ZNF197: variants seen among roughly 807,000 people sequenced by gnomAD.
The protein encoded by ZNF197 is zinc finger protein 197.
Under a neutral mutation model 27.4 loss-of-function variants are expected in ZNF197, and 14 were observed. The observed-to-expected ratio is 0.51, with a 90% CI of 0.34 to 0.80. The LOEUF (loss-of-function observed/expected upper bound fraction) is 0.80. ZNF197 is among the 30% of genes least tolerant of loss of function. The probability of loss-of-function intolerance (pLI) is 0.02; values close to 1 mark genes in which losing one functional copy is unlikely to be tolerated. For synonymous variants in ZNF197, 415 were observed against 420.0 expected, an observed-to-expected ratio of 0.99 and a Z score of 0.15; for missense variants, 1,090 against 1,222.6, an observed-to-expected ratio of 0.89 and a Z score of 1.62.
Position 44,646,521 on chromosome 3 carries a change from A to C in ZNF197, c.*2301A>C. The C allele has an allele frequency of 1.4e-6, 2 of 1,478,458 alleles. No homozygotes were observed. The highest frequency in any genetic ancestry group is 2.3e-5 in the East Asian group (1 of 44,154). The allele number at this position is 1,478,458 out of a possible 1,614,324, so 91.6% of individuals were successfully genotyped here. On this transcript the variant is annotated 3_prime_UTR_variant, in exon 6 of 6. Transcript: ENST00000344387. Reference sequence around the variant, plus strand: ...AGGAAATACAGGAGGCAGAGGAACAAATAAAAGACACCACGAGAAACAGAC... The same window carrying C: ...AGGAAATACAGGAGGCAGAGGAACACATAAAAGACACCACGAGAAACAGAC...
rs374185026 is a variant in ZNF197 at position 44,647,700 on chromosome 3, G to A, written c.*3480G>A. ...ATGCTGAGTGAAAATAATCACAAAA[G>A]GCCATATTCTGTATGAAAATATTCA... is the stretch of plus-strand genomic sequence containing the variant. On this transcript the variant is annotated 3_prime_UTR_variant, in exon 6 of 6. Coordinates refer to ENST00000344387, the MANE Select transcript of ZNF197 (RefSeq NM_006991.5). The A allele has an allele frequency of 6.6e-6, 1 of 152,120 alleles. No individual in the cohort carries two copies. The highest frequency in any genetic ancestry group is 1.5e-5 in the Non-Finnish European group (1 of 68,000). The allele number at this position is 152,120 out of a possible 1,614,324, so 9.4% of individuals were successfully genotyped here. A position where few individuals can be genotyped will look rare whatever the true frequency, so the allele number is the denominator to read the frequency against.
intron 1 of ZNF197, among the ~76,000 whole-genome samples, chr3:44,626,979 T>G (rs1701704780): frequency 6.6e-6 from 1 of 152,060 alleles, no homozygotes; most frequent in African/African-American, 2.4e-5. Flanking sequence ...TATGCATCCA[T>G]AAAAATGCGG....
intron 5 of ZNF197, among the ~76,000 whole-genome samples, chr3:44,641,602 T>C (rs1386312578): frequency 2.0e-5 from 3 of 152,240 alleles, no homozygotes; most frequent in Admixed American, 6.5e-5. Context: ...CTCCATAAGA[T>C]CCTGTGTTTT....
rs950741206 is a variant in ZNF197 at position 44,625,052 on chromosome 3, G to A, written c.-173G>A. The A allele has an allele frequency of 6.6e-6, 1 of 152,250 alleles. No homozygotes were observed. The highest frequency in any genetic ancestry group is 2.4e-5 in the African/African-American group (1 of 41,452). The allele number at this position is 152,250 out of a possible 1,614,324, so 9.4% of individuals were successfully genotyped here. ...CGGCTCGGCCATTATTCTGTGCCTC[G>A]GCTGCCGGAAGGGCTCGTTCCTGTG... On this transcript the variant is annotated 5_prime_UTR_variant, in exon 1 of 6. Coordinates refer to ENST00000344387, the MANE Select transcript of ZNF197 (RefSeq NM_006991.5).
intron 5 of ZNF197, among the ~76,000 whole-genome samples, chr3:44,634,934 AC>A (rs1394156633): frequency 6.8e-6 from 1 of 148,096 alleles, no homozygotes; most frequent in East Asian, 2.1e-4. Flanking sequence ...CAAACCTCCC[AC>A]CCCAGCCTCC....
rs773183158 is a variant in ZNF197 at position 44,629,199 on chromosome 3, C to G, written c.45C>G (p.Gly15=). 1 of 1,613,778 alleles carries G rather than the reference C, an allele frequency of 6.2e-7. No homozygotes were observed. Among genetic ancestry groups the G allele is most frequent in the Non-Finnish European group, 8.5e-7 (1 of 1,179,872 alleles). ...NVAHNALRQE[G]LVKGKDDTWK... is the part of the protein sequence containing the mutation. ...CCCACAATGCTCTGAGACAAGAGGG[C>G]CTTGTGAAGGGGAAGGATGATACCT... Residue 15 remains glycine, a synonymous_variant, in exon 2 of 6, where the codon GGC becomes GGG. Transcript: ENST00000344387.
In ZNF197 at chr3:44,641,984, A is replaced by G. The variant is rs1702628569; in HGVS notation, c.854A>G (p.Lys285Arg). ...GCAGACTCTCATAAAGGAACATCAA[A>G]AAGACTTCAAGGAAGTGTTCCCCAG... Reference protein sequence around the residue: ...QRADSHKGTSKRLQGSVPQVL... With the variant: ...QRADSHKGTSRRLQGSVPQVL... The change falls in exon 6 of 6, where the codon AAA (lysine) becomes AGA (arginine). Residue 285 changes from lysine to arginine, a missense_variant. By Grantham distance (26) the Lys-to-Arg change is conservative. Coordinates refer to ENST00000344387, the MANE Select transcript of ZNF197 (RefSeq NM_006991.5). 7 of 1,613,710 alleles carry G rather than the reference A, an allele frequency of 4.3e-6. No homozygotes were observed. The highest frequency in any genetic ancestry group is 5.9e-6 in the Non-Finnish European group (7 of 1,179,714).
chr3:44,642,477 T>G lies in ZNF197; in HGVS notation c.1347T>G (p.Thr449=). 1 of 1,613,704 alleles carries G rather than the reference T, an allele frequency of 6.2e-7. No individual in the cohort carries two copies. Among genetic ancestry groups the G allele is most frequent in the East Asian group, 2.2e-5 (1 of 44,846 alleles). The change falls in exon 6 of 6, where the codon ACT becomes ACG. Residue 449 remains threonine (T), a synonymous_variant. Coordinates refer to ENST00000344387, the MANE Select transcript of ZNF197 (RefSeq NM_006991.5). The part of the protein sequence containing the change: ...AYLLNHQRIH[T]GEKPYKCKEC... ...TTCTAAACCATCAGAGGATCCACACTGGGGAGAAACCTTATAAGTGTAAGG... is the reference window on the plus strand; with the variant it reads ...TTCTAAACCATCAGAGGATCCACACGGGGGAGAAACCTTATAAGTGTAAGG...
intron 2 of ZNF197, chr3:44,630,846 C>T (rs1427500126): frequency 2.9e-6 from 2 of 692,066 alleles, no homozygotes; most frequent in Non-Finnish European, 5.2e-6. Context: ...TGTGTACAGT[C>T]TCCTCTGGGA....
intron 2 of ZNF197, among the ~76,000 whole-genome samples, chr3:44,630,057 A>C (rs1304606230): frequency 2.6e-5 from 4 of 152,036 alleles, no homozygotes; most frequent in Admixed American, 2.0e-4. Context: ...TCTCTACAAA[A>C]AATTTAAAAA....
In ZNF197 at chr3:44,629,531, GA is replaced by G. The variant is rs1465966464; in HGVS notation, c.378del (p.Pro127GlnfsTer19). 1 of 1,562,834 alleles carries G rather than the reference GA, an allele frequency of 6.4e-7. No homozygotes were observed. Among genetic ancestry groups the G allele is most frequent in the Admixed American group, 1.9e-5 (1 of 51,694 alleles). ...GAGGAGCTGCAGAAAGACCTTGATG[GA>G]CCAGCAATACAAGTGAGAAAGACAG... ...LVEELQKDLD[G>X]PAIQVPVLVK... is the part of the protein sequence containing the mutation. On this transcript the variant is annotated frameshift_variant, in exon 2 of 6. Transcript: ENST00000344387. LOFTEE classifies it high-confidence loss of function.
At position 44,647,239 on chromosome 3, in the gene ZNF197, G is replaced by C. The variant is rs1703004770; in HGVS notation, c.*3019G>C. 1 of 151,572 alleles carries C rather than the reference G, an allele frequency of 6.6e-6. No individual in the cohort carries two copies. Among genetic ancestry groups the C allele is most frequent in the African/African-American group, 2.4e-5 (1 of 41,278 alleles). 9.4% of individuals were successfully genotyped at this position (151,572 alleles called of 1,614,324 possible). A position where few individuals can be genotyped will look rare whatever the true frequency, so the allele number is the denominator to read the frequency against. On this transcript the variant is annotated 3_prime_UTR_variant, in exon 6 of 6. Coordinates refer to ENST00000344387, the MANE Select transcript of ZNF197 (RefSeq NM_006991.5). ...GATGTTCAACATCATTAGGCATGAG[G>C]GAAATGCAGAGTAAAATCGTGAGAT...
chr3:44,645,307 G>A lies in ZNF197; in HGVS notation c.*1087G>A, dbSNP rs959582104. 4.1e-6 allele frequency: 4 copies of A among 985,376 alleles called. No individual in the cohort carries two copies. Among genetic ancestry groups the A allele is most frequent in the East Asian group, 1.1e-4 (1 of 8,818 alleles). The allele number at this position is 985,376 out of a possible 1,614,324, so 61.0% of individuals were successfully genotyped here. A position where few individuals can be genotyped will look rare whatever the true frequency, so the allele number is the denominator to read the frequency against. On this transcript the variant is annotated 3_prime_UTR_variant, in exon 6 of 6. Coordinates refer to ENST00000344387, the MANE Select transcript of ZNF197 (RefSeq NM_006991.5). ...AGAACATGGGATCATGTAAGTTTGT[G>A]TATTAAGTCAATATTAGAATGAGGG...
In ZNF197 at chr3:44,629,434, C is replaced by T. The variant is rs192086609; in HGVS notation, c.280C>T (p.Leu94=). 47 of 1,614,122 alleles carry T rather than the reference C, an allele frequency of 2.9e-5. No homozygotes were observed. The East Asian group carries it at 9.8e-4, about 34-fold the overall frequency. Residue 94 remains leucine (L), a synonymous_variant, in exon 2 of 6, where the codon CTG becomes TTG. Coordinates refer to ENST00000344387, the MANE Select transcript of ZNF197 (RefSeq NM_006991.5). ...GGTGCTGGAGCAGTTTCTGAGCATC[C>T]TGCCTGGGGAGATTCGGACCTGGGT... ...LLVLEQFLSI[L]PGEIRTWVQL... is the part of the protein sequence containing the mutation.
In ZNF197 at chr3:44,643,911, A is replaced by G. The variant is rs1702788616; in HGVS notation, c.2781A>G (p.Glu927=). Residue 927 remains glutamate, a synonymous_variant, in exon 6 of 6, where the codon GAA becomes GAG. Coordinates refer to ENST00000344387, the MANE Select transcript of ZNF197 (RefSeq NM_006991.5). ...LVVHQRMHTG[E]KPYECDKCRK... ...TACATCAGAGAATGCACACTGGGGA[A>G]AAACCTTATGAGTGTGACAAGTGTA... 1.2e-6 allele frequency: 2 copies of G among 1,614,050 alleles called. No individual in the cohort carries two copies. The highest frequency in any genetic ancestry group is 1.7e-6 in the Non-Finnish European group (2 of 1,179,988).
intron 5 of ZNF197, among the ~76,000 whole-genome samples, chr3:44,632,897 T>G (rs1472526328): frequency 6.6e-6 from 1 of 152,204 alleles, no homozygotes; most frequent in African/African-American, 2.4e-5. Flanking sequence ...ACAAACTCTT[T>G]GCAGTTATTA....
chr3:44,633,965 T>C (rs551053901), intron 5 of ZNF197, among the ~76,000 whole-genome samples: 2 of 152,370 alleles, frequency 1.3e-5, no homozygotes, highest in Admixed American at 6.5e-5. Flanking sequence ...TTTGAGACTG[T>C]ATCCTTTAGT....
intron 3 of ZNF197, among the ~76,000 whole-genome samples, chr3:44,631,786 C>T (rs34228112): frequency 0.011 from 1,688 of 151,978 alleles, 30 homozygotes; most frequent in African/African-American, 0.032. Context: ...CTGCAACCTC[C>T]GCCTCCCAGG....
At chr3:44,636,072 A>G (rs1275064725) in intron 5 of ZNF197, among the ~76,000 whole-genome samples, 1 of 152,212 alleles carries the variant, frequency 6.6e-6, no homozygotes, top group Non-Finnish European at 1.5e-5. Context: ...TGGGAGGCCA[A>G]GGCAGGCGGA....
Sources: allele counts gnomAD v4.1 joint callset (sites outside exome capture counted in the v4.1 genomes callset), GRCh38; gene constraint gnomAD v4.1.1; transcripts MANE v1.5; gene names NCBI Gene and HGNC (gene_info 2026-07-23, HGNC 2026-07-21).